ACYP2: variants seen among roughly 807,000 people sequenced by gnomAD.
ACYP2 encodes the protein acylphosphatase 2.
In ACYP2, 12 loss-of-function variants were observed where a neutral mutation model predicts 11.2. The observed-to-expected ratio is 1.08, with a 90% CI of 0.69 to 1.74. The LOEUF (loss-of-function observed/expected upper bound fraction) is 1.74, where lower values mean the gene tolerates loss of function less well. ACYP2 is among the 40% of genes most tolerant of loss of function. ACYP2 has a pLI of 0.00. For missense variants in ACYP2, 134 were observed against 101.9 expected (o/e 1.31, Z -1.35); for synonymous variants, 43 against 32.2 (o/e 1.33, Z -1.13).
chr2:54,275,633 C>CTGAT (rs1319760644), intron 6 of ACYP2, among the ~76,000 whole-genome samples: 2 of 152,278 alleles, frequency 1.3e-5, no homozygotes, highest in East Asian at 3.9e-4. Context: ...CAGGGAGAAA[C>CTGAT]TGATAGCTAT....
chr2:54,192,061 A>T (rs778598734), intron 6 of ACYP2, among the ~76,000 whole-genome samples: 2 of 152,178 alleles, frequency 1.3e-5, no homozygotes, highest in Non-Finnish European at 2.9e-5. Context: ...TAAATCTCTC[A>T]AAAATCTTGT....
At chr2:54,214,944 T>C (rs1035547524) in intron 6 of ACYP2, among the ~76,000 whole-genome samples, 4 of 152,156 alleles carry the variant, frequency 2.6e-5, no homozygotes, top group Non-Finnish European at 5.9e-5. Context: ...GTTTTGTAAT[T>C]CTTGTTGTAG....
intron 6 of ACYP2, among the ~76,000 whole-genome samples, chr2:54,303,043 T>A (rs1462779930): frequency 6.6e-6 from 1 of 152,152 alleles, no homozygotes; most frequent in East Asian, 1.9e-4. Flanking sequence ...GTAAAGAACT[T>A]AGCATAGTGC....
chr2:54,109,589 T>C (rs964760871), intron 4 of ACYP2, among the ~76,000 whole-genome samples: 11 of 152,048 alleles, frequency 7.2e-5, no homozygotes, highest in Non-Finnish European at 1.2e-4. Context: ...ATAAAAAAAA[T>C]TATATGCCTG....
At chr2:54,298,004 TAGA>T (rs1473161518) in intron 6 of ACYP2, among the ~76,000 whole-genome samples, 1 of 152,210 alleles carries the variant, frequency 6.6e-6, no homozygotes, top group Non-Finnish European at 1.5e-5. Context: ...CATTTAAAAC[TAGA>T]AGAATAATGA....
chr2:54,141,971 A>G (rs1005620571), intron 6 of ACYP2: 15 of 536,374 alleles, frequency 2.8e-5, no homozygotes, highest in Middle Eastern at 5.6e-4. Context: ...CTGAGTGCAC[A>G]TGCTGGCTAA....
intron 6 of ACYP2, among the ~76,000 whole-genome samples, chr2:54,162,387 G>C (rs1237069818): frequency 2.6e-5 from 4 of 151,832 alleles, no homozygotes; most frequent in Admixed American, 2.6e-4. Flanking sequence ...TTTCTTTTCC[G>C]TTTTACTAGC....
At chr2:54,099,826 A>G (rs1678795494) in intron 4 of ACYP2, among the ~76,000 whole-genome samples, 1 of 152,154 alleles carries the variant, frequency 6.6e-6, no homozygotes, top group African/African-American at 2.4e-5. Context: ...GAATTGCTGG[A>G]TAATGTGGCA....
intron 4 of ACYP2, chr2:54,084,709 A>G (rs1383293893): frequency 6.6e-6 from 1 of 150,752 alleles, no homozygotes; most frequent in Non-Finnish European, 1.5e-5. Flanking sequence ...TTAACAATTA[A>G]CAGTATTATT....
chr2:54,286,641 A>C (rs1425069711), intron 6 of ACYP2, among the ~76,000 whole-genome samples: 2 of 152,094 alleles, frequency 1.3e-5, no homozygotes, highest in Non-Finnish European at 2.9e-5. Context: ...TAACTTTTCT[A>C]GAATATAATT....
intron 2 of ACYP2, among the ~76,000 whole-genome samples, chr2:54,050,547 GAAAAAAAA>G (rs58128669): frequency 1.2e-5 from 1 of 83,202 alleles, no homozygotes; most frequent in African/African-American, 4.1e-5. Context: ...CCCCATCCCT[GAAAAAAAA>G]AAAAAAAAAA....
At chr2:54,185,088 T>G (rs957907415) in intron 6 of ACYP2, among the ~76,000 whole-genome samples, 1 of 152,148 alleles carries the variant, frequency 6.6e-6, no homozygotes, top group African/African-American at 2.4e-5. Context: ...GCAATTCTAA[T>G]TATAATGAAA....
chr2:54,205,626 T>A (rs2103919664), intron 6 of ACYP2, among the ~76,000 whole-genome samples: 1 of 152,332 alleles, frequency 6.6e-6, no homozygotes, highest in South Asian at 2.1e-4. Context: ...ACCCATCTCT[T>A]CAAAATTCTT....
intron 6 of ACYP2, among the ~76,000 whole-genome samples, chr2:54,186,204 G>C (rs74863097): frequency 6.6e-6 from 1 of 152,008 alleles, no homozygotes; most frequent in Non-Finnish European, 1.5e-5. Flanking sequence ...GTAATTGTTC[G>C]CTTTAAAATG....
At chr2:54,296,449 T>C (rs373807093) in intron 6 of ACYP2, among the ~76,000 whole-genome samples, 1 of 152,348 alleles carries the variant, frequency 6.6e-6, no homozygotes, top group East Asian at 1.9e-4. Flanking sequence ...CACAAATAGA[T>C]TTTTCCTTAG....
At chr2:54,293,276 G>A (rs1573063648) in intron 6 of ACYP2, among the ~76,000 whole-genome samples, 3 of 152,210 alleles carry the variant, frequency 2.0e-5, no homozygotes, top group South Asian at 4.1e-4. Context: ...AAAACAGAAA[G>A]AAGGGCATAT....
intron 4 of ACYP2, among the ~76,000 whole-genome samples, chr2:54,093,133 C>CT (rs1313807488): frequency 6.6e-5 from 10 of 152,148 alleles, no homozygotes; most frequent in Admixed American, 6.5e-4. Context: ...AAGTCTCTGC[C>CT]TGAGAGTCAG....
chr2:54,166,693 C>T (rs1315265842), intron 6 of ACYP2, among the ~76,000 whole-genome samples: 1 of 152,196 alleles, frequency 6.6e-6, no homozygotes, highest in Non-Finnish European at 1.5e-5. Flanking sequence ...GGTTAGGCTA[C>T]CTTGCTACTC....
At chr2:53,980,415 A>G (rs72799285) in intron 2 of ACYP2, among the ~76,000 whole-genome samples, 202 of 151,860 alleles carry the variant, frequency 1.3e-3, no homozygotes, top group Non-Finnish European at 2.4e-3. Context: ...TTAATTTATT[A>G]TTGAAGAAAG....
Sources: allele counts gnomAD v4.1 joint callset (sites outside exome capture counted in the v4.1 genomes callset), GRCh38; gene constraint gnomAD v4.1.1; transcripts MANE v1.5; gene names NCBI Gene and HGNC (gene_info 2026-07-23, HGNC 2026-07-21).